The following DYNC1I1 variants were observed in gnomAD, a reference collection of about 807,000 sequenced individuals.
The protein encoded by DYNC1I1 is dynein cytoplasmic 1 intermediate chain 1, also known as cytoplasmic dynein 1 intermediate chain 1.
A neutral mutation model predicts 86.6 loss-of-function variants in DYNC1I1; 43 were observed. That is an observed-to-expected ratio of 0.50 (90% CI 0.39 to 0.64). The LOEUF is 0.64. Among genes scored for constraint, DYNC1I1 ranks in the 30% least tolerant of loss-of-function variants. The pLI is 0.00. For synonymous variants in DYNC1I1, 262 were observed against 283.7 expected, an observed-to-expected ratio of 0.92 and a Z score of 0.77; for missense variants, 604 against 788.8, an observed-to-expected ratio of 0.77 and a Z score of 2.81.
Position 95,929,578 on chromosome 7 carries a change from A to G in DYNC1I1, c.491-47934A>G, listed in dbSNP as rs141393771. On this transcript the variant is annotated intron_variant, in intron 6 of 16. Coordinates refer to ENST00000447467, the MANE Select transcript of DYNC1I1 (RefSeq NM_001135556.2). ...GTAAAAGCATGCAGGAAAGTACTCAAATCAGGAGTGTACAACTTGATATTT... is the reference window on the plus strand; with the variant it reads ...GTAAAAGCATGCAGGAAAGTACTCAGATCAGGAGTGTACAACTTGATATTT... Among the ~76,000 whole-genome samples, 4 of 152,296 alleles carry G rather than the reference A, an allele frequency of 2.6e-5. No homozygotes were observed. The East Asian group carries it at 7.7e-4, about 29-fold the overall frequency.
At chr7:95,868,136 T>C (rs1478149683) in intron 5 of DYNC1I1, among the ~76,000 whole-genome samples, 1 of 152,234 alleles carries the variant, frequency 6.6e-6, no homozygotes, top group Non-Finnish European at 1.5e-5. Flanking sequence ...TTGCATTCTG[T>C]GTCCCAGAGC....
intron 6 of DYNC1I1, among the ~76,000 whole-genome samples, chr7:95,960,563 C>A (rs1792839891): frequency 6.6e-6 from 1 of 152,168 alleles, no homozygotes. Context: ...GTATAGAACA[C>A]TTAGTTGACA....
chr7:96,058,278 T>C (rs2116150467), intron 14 of DYNC1I1, among the ~76,000 whole-genome samples: 2 of 152,364 alleles, frequency 1.3e-5, no homozygotes, highest in Non-Finnish European at 2.9e-5. Flanking sequence ...ATTCATGCTT[T>C]GTGTTTTTAA....
At chr7:96,100,650 T>TTG (rs57129262), downstream of DYNC1I1, among the ~76,000 whole-genome samples, 10,240 of 142,840 alleles carry the variant, frequency 0.072, 409 homozygotes, top group Non-Finnish European at 0.087. Context: ...TTTGAGGGTT[T>TTG]TGTGTGTGTG....
intron 1 of DYNC1I1, chr7:95,802,586 C>G (rs1271331990): frequency 1.3e-5 from 2 of 152,278 alleles, no homozygotes; most frequent in African/African-American, 4.8e-5. Context: ...CCAAATAGAA[C>G]TCAATTTTCT....
chr7:95,849,454 A>T (rs1013920566), intron 5 of DYNC1I1, among the ~76,000 whole-genome samples: 4 of 152,156 alleles, frequency 2.6e-5, no homozygotes, highest in Non-Finnish European at 1.5e-5. Flanking sequence ...GTTTTCCAAC[A>T]CCATTTGTTG....
chr7:96,013,354 C>T (rs1388348915), intron 10 of DYNC1I1, among the ~76,000 whole-genome samples: 1 of 152,224 alleles, frequency 6.6e-6, no homozygotes, highest in African/African-American at 2.4e-5. Context: ...AGAAACGTAG[C>T]ACTGTCTACC....
At chr7:95,919,859 G>A (rs1028617194) in intron 6 of DYNC1I1, among the ~76,000 whole-genome samples, 1 of 152,130 alleles carries the variant, frequency 6.6e-6, no homozygotes, top group Non-Finnish European at 1.5e-5. Flanking sequence ...AATGAATAGC[G>A]TATTATTGGA....
At chr7:95,967,188 T>C (rs1227886562) in intron 6 of DYNC1I1, among the ~76,000 whole-genome samples, 1 of 152,220 alleles carries the variant, frequency 6.6e-6, no homozygotes, top group African/African-American at 2.4e-5. Flanking sequence ...ACTTACAATT[T>C]ATATATCATA....
intron 3 of DYNC1I1, 21 bp from the exon 4 acceptor site, chr7:95,813,226 C>A: frequency 6.2e-7 from 1 of 1,612,600 alleles, no homozygotes; most frequent in Non-Finnish European, 8.5e-7. Context: ...ACATGGGATA[C>A]CTGTTATTTT....
At chr7:95,854,735 A>C (rs959426936) in intron 5 of DYNC1I1, among the ~76,000 whole-genome samples, 4 of 152,204 alleles carry the variant, frequency 2.6e-5, no homozygotes, top group African/African-American at 9.6e-5. Flanking sequence ...ACAGTTCACA[A>C]ATCAGGTAGG....
At chr7:95,831,723 T>C (rs1032186406) in intron 5 of DYNC1I1, among the ~76,000 whole-genome samples, 7 of 152,188 alleles carry the variant, frequency 4.6e-5, no homozygotes, top group African/African-American at 1.7e-4. Flanking sequence ...ATAGTTTTGA[T>C]TTGCATGTCT....
intron 16 of DYNC1I1, among the ~76,000 whole-genome samples, chr7:96,105,213 T>A (rs1791197908): frequency 1.3e-5 from 2 of 152,042 alleles, no homozygotes; most frequent in Non-Finnish European, 2.9e-5. Context: ...TTTATAGATT[T>A]TTTTAGATAT....
At chr7:95,927,642 T>C (rs1393173737) in intron 6 of DYNC1I1, among the ~76,000 whole-genome samples, 2 of 151,912 alleles carry the variant, frequency 1.3e-5, no homozygotes, top group Non-Finnish European at 2.9e-5. Context: ...GCTGAGCAAA[T>C]GATAACATGA....
intron 6 of DYNC1I1, among the ~76,000 whole-genome samples, chr7:95,911,533 T>C (rs182309407): frequency 2.3e-4 from 35 of 152,216 alleles, no homozygotes; most frequent in Admixed American, 1.9e-3. Context: ...AAGTGGCTGA[T>C]TGGAAATGTG....
chr7:95,932,879 A>ATTTTT (rs11392614), intron 6 of DYNC1I1, among the ~76,000 whole-genome samples: 1 of 137,722 alleles, frequency 7.3e-6, no homozygotes, highest in Admixed American at 7.4e-5. Context: ...TTATTTTTTA[A>ATTTTT]TTTTTTTTTT....
Position 95,832,889 on chromosome 7 carries a change from GT to G in DYNC1I1, c.374+4774del, listed in dbSNP as rs535380078. Among the ~76,000 whole-genome samples, 914 of 152,212 alleles carry G rather than the reference GT, an allele frequency of 6.0e-3. 8 individuals are homozygous for G. Among genetic ancestry groups the G allele is most frequent in the Non-Finnish European group, 6.0e-3 (408 of 68,012 alleles). On this transcript the variant is annotated intron_variant, in intron 5 of 16. Transcript: ENST00000447467. Reference sequence around the variant, plus strand: ...TATTAGCCCTTTGTCAGATGAGTGGGTCGTGAAAATTTTCTCCCATTTTGTA... The same window carrying G: ...TATTAGCCCTTTGTCAGATGAGTGGGCGTGAAAATTTTCTCCCATTTTGTA...
At chr7:95,898,258 G>A (rs920779708) in intron 6 of DYNC1I1, among the ~76,000 whole-genome samples, 1 of 152,132 alleles carries the variant, frequency 6.6e-6, no homozygotes, top group African/African-American at 2.4e-5. Flanking sequence ...TGGGGCCTCT[G>A]GGTTTTGTGT....
intron 4 of DYNC1I1, among the ~76,000 whole-genome samples, chr7:95,820,020 C>T (rs1270878262): frequency 6.6e-6 from 1 of 152,190 alleles, no homozygotes; most frequent in African/African-American, 2.4e-5. Flanking sequence ...GGAAGTCCTA[C>T]ATTTCTTATT....
Sources: gnomAD v4.1 joint callset for allele counts (sites outside exome capture counted in the v4.1 genomes callset) on GRCh38, gnomAD v4.1.1 for gene constraint, MANE v1.5 for transcripts, NCBI Gene and HGNC (gene_info 2026-07-23, HGNC 2026-07-21) for gene names.